Variants in LRBA observed in about 807,000 individuals in gnomAD.
LRBA encodes the protein lipopolysaccharide-responsive and beige-like anchor protein.
A neutral mutation model predicts 330.0 loss-of-function variants in LRBA; 176 were observed. The observed-to-expected ratio is 0.53, with a 90% confidence interval of 0.47 to 0.60. LRBA has a LOEUF of 0.60. Ranked by LOEUF, LRBA falls within the 20% of genes least tolerant of loss-of-function variation. The probability of loss-of-function intolerance (pLI) is 0.00; values close to 1 mark genes in which losing one functional copy is unlikely to be tolerated. For synonymous variants in LRBA, 1,230 were observed against 1,193.0 expected, an observed-to-expected ratio of 1.03 and a Z score of -0.64; for missense variants, 3,259 against 3,444.8, an observed-to-expected ratio of 0.95 and a Z score of 1.35.
intron 40 of LRBA, among the ~76,000 whole-genome samples, chr4:150,526,617 G>A (rs1763503621): frequency 3.9e-5 from 6 of 152,002 alleles, no homozygotes; most frequent in Admixed American, 3.9e-4. Flanking sequence ...AAATAGACTA[G>A]TATAATGAAA....
intron 40 of LRBA, among the ~76,000 whole-genome samples, chr4:150,519,279 C>G (rs886744510): frequency 1.3e-5 from 2 of 151,962 alleles, no homozygotes; most frequent in African/African-American, 4.8e-5. Flanking sequence ...AACTTGATGA[C>G]TTCTAATAAA....
intron 40 of LRBA, among the ~76,000 whole-genome samples, chr4:150,510,984 T>G (rs977476598): frequency 6.6e-6 from 1 of 152,156 alleles, no homozygotes; most frequent in Non-Finnish European, 1.5e-5. Flanking sequence ...GCCTCCTGAA[T>G]AGCTGGGACT....
chr4:150,767,343 A>C (rs1425445569), intron 34 of LRBA, among the ~76,000 whole-genome samples: 1 of 152,200 alleles, frequency 6.6e-6, no homozygotes, highest in African/African-American at 2.4e-5. Context: ...TCTAAAGCAG[A>C]AAAAATCAGG....
At chr4:150,710,105 CAA>C (rs779660006) in intron 36 of LRBA, among the ~76,000 whole-genome samples, 4 of 151,978 alleles carry the variant, frequency 2.6e-5, no homozygotes, top group East Asian at 1.9e-4. Flanking sequence ...AAAAATAAGA[CAA>C]GAGATTACTC....
At chr4:151,014,352 A>G (rs1745190544) in intron 2 of LRBA, 75 bp downstream of exon 2, 5 of 1,252,788 alleles carry the variant, frequency 4.0e-6, no homozygotes, top group South Asian at 2.6e-5. Flanking sequence ...AGTAAACCAC[A>G]TGGCTCCAGC....
At chr4:150,441,959 C>T (rs996162832) in intron 44 of LRBA, among the ~76,000 whole-genome samples, 8 of 152,260 alleles carry the variant, frequency 5.3e-5, no homozygotes, top group Non-Finnish European at 8.8e-5. Context: ...AGTGTAGCTG[C>T]TATTAATGTG....
intron 36 of LRBA, among the ~76,000 whole-genome samples, chr4:150,719,915 C>T (rs1395043296): frequency 6.6e-6 from 1 of 152,098 alleles, no homozygotes; most frequent in Non-Finnish European, 1.5e-5. Flanking sequence ...CCCATGAGAA[C>T]TGTCTATAGT....
chr4:150,361,132 G>T (rs1467933261), intron 47 of LRBA, among the ~76,000 whole-genome samples: 1 of 152,092 alleles, frequency 6.6e-6, no homozygotes, highest in Admixed American at 6.6e-5. Context: ...ACTCATAAAA[G>T]ACACTTCATT....
At chr4:150,377,584 C>T (rs1446923995) in intron 47 of LRBA, among the ~76,000 whole-genome samples, 1 of 152,086 alleles carries the variant, frequency 6.6e-6, no homozygotes, top group African/African-American at 2.4e-5. Context: ...CTGACTACTA[C>T]AAGTCTTTCT....
chr4:150,646,363 T>C (rs1370436647), intron 37 of LRBA, among the ~76,000 whole-genome samples: 1 of 152,054 alleles, frequency 6.6e-6, no homozygotes, highest in Non-Finnish European at 1.5e-5. Context: ...AGTATTGACA[T>C]GTTAAGTTTA....
intron 22 of LRBA, among the ~76,000 whole-genome samples, chr4:150,856,432 A>G (rs187294643): frequency 2.1e-3 from 326 of 152,190 alleles, no homozygotes; most frequent in Non-Finnish European, 3.0e-3. Context: ...CCTTTTGTGC[A>G]ATATCCTGCA....
chr4:150,359,377 G>A (rs1223379385), intron 47 of LRBA, among the ~76,000 whole-genome samples: 1 of 152,186 alleles, frequency 6.6e-6, no homozygotes, highest in Admixed American at 6.5e-5. Flanking sequence ...CTAAGTGAGA[G>A]GTAGTGAGAG....
At chr4:150,500,509 C>T (rs752868286) in intron 40 of LRBA, among the ~76,000 whole-genome samples, 4 of 152,004 alleles carry the variant, frequency 2.6e-5, no homozygotes, top group Non-Finnish European at 5.9e-5. Context: ...ACCTGGGAGG[C>T]GGAGGTTGCA....
rs565708911 is a variant in LRBA, at chr4:150,415,517, T to A, written c.7115A>T (p.Asp2372Val). 1 of 1,606,378 alleles carries A rather than the reference T, an allele frequency of 6.2e-7. No homozygotes were observed. Among genetic ancestry groups the A allele is most frequent in the Non-Finnish European group, 8.5e-7 (1 of 1,173,030 alleles). The change falls in exon 47 of 57, where the codon GAT becomes GTT. Residue 2372 changes from aspartate (D) to valine (V), a missense_variant. Transcript: ENST00000651943. ...GACATCAGACACTACTGTCCCATCA[T>A]CCATCACTCCAAGATTATAATTATT... ...NFNNYNLGVM[D>V]DGTVVSDVEL...
At chr4:150,575,199 T>G (rs1362522169) in intron 40 of LRBA, among the ~76,000 whole-genome samples, 1 of 151,984 alleles carries the variant, frequency 6.6e-6, no homozygotes, top group Non-Finnish European at 1.5e-5. Flanking sequence ...TTTCCATTCC[T>G]TAGATCATTA....
chr4:150,627,462 T>C (rs527854025), intron 37 of LRBA, among the ~76,000 whole-genome samples: 12 of 152,144 alleles, frequency 7.9e-5, no homozygotes, highest in African/African-American at 2.2e-4. Context: ...ATATTTTCTA[T>C]AGAACATCAC....
chr4:150,999,685 C>T (rs1743108849), intron 2 of LRBA, among the ~76,000 whole-genome samples: 1 of 151,224 alleles, frequency 6.6e-6, no homozygotes, highest in African/African-American at 2.4e-5. Context: ...ACAACAAACC[C>T]CAGAATGACA....
At chr4:150,857,575 T>A (rs2126942813) in intron 22 of LRBA, among the ~76,000 whole-genome samples, 1 of 152,282 alleles carries the variant, frequency 6.6e-6, no homozygotes, top group Non-Finnish European at 1.5e-5. Context: ...TTAAAACATG[T>A]ACAGACTCCT....
At chr4:150,812,098 G>C (rs1743825153) in intron 31 of LRBA, among the ~76,000 whole-genome samples, 1 of 152,102 alleles carries the variant, frequency 6.6e-6, no homozygotes, top group Non-Finnish European at 1.5e-5. Context: ...TTCACACTAG[G>C]TTGTCCTCCA....
Sources: gnomAD v4.1 joint callset for allele counts (sites outside exome capture counted in the v4.1 genomes callset) on GRCh38, gnomAD v4.1.1 for gene constraint, MANE v1.5 for transcripts, NCBI Gene and HGNC (gene_info 2026-07-23, HGNC 2026-07-21) for gene names.